XKR4: variants seen among roughly 807,000 people sequenced by gnomAD.
XKR4 encodes XK related 4, also known as XK-related protein 4.
Under a neutral mutation model 53.9 loss-of-function variants are expected in XKR4, and 12 were observed. That is an observed-to-expected ratio of 0.22 (90% confidence interval 0.14 to 0.36). XKR4 has a LOEUF of 0.36. XKR4 is among the 10% of genes least tolerant of loss of function. The pLI, the probability that XKR4 is intolerant of heterozygous loss-of-function variation, is 1.00. For missense variants in XKR4, 799 were observed against 859.5 expected (o/e 0.93, Z 0.88); for synonymous variants, 354 against 362.4 (o/e 0.98, Z 0.26).
At chr8:55,266,794 T>C (rs1818608120) in intron 1 of XKR4, among the ~76,000 whole-genome samples, 1 of 152,184 alleles carries the variant, frequency 6.6e-6, no homozygotes, top group South Asian at 2.1e-4. Context: ...TCTGATCCTC[T>C]TAAAGAGACC....
At position 55,393,146 on chromosome 8, in the gene XKR4, C is replaced by T. The variant is rs144662745; in HGVS notation, c.1006+35269C>T. Among the ~76,000 whole-genome samples, 915 of 152,208 alleles carry T rather than the reference C, an allele frequency of 6.0e-3. 2 individuals carry two copies. The highest frequency in any genetic ancestry group is 0.01 in the Middle Eastern group (3 of 294). On this transcript the variant is annotated intron_variant, in intron 2 of 2. Transcript: ENST00000327381. ...TTGATGAAAGATTGATGAGAAACTT[C>T]TTGATGTGAAGATCAGACTGTCTTC...
intron 1 of XKR4, among the ~76,000 whole-genome samples, chr8:55,215,136 T>C (rs146193961): frequency 5.4e-4 from 82 of 152,232 alleles, no homozygotes; most frequent in African/African-American, 1.9e-3. Flanking sequence ...TACTCTTCAT[T>C]TAGCTGCTGA....
intron 2 of XKR4, among the ~76,000 whole-genome samples, chr8:55,446,228 C>A (rs1805344469): frequency 6.6e-6 from 1 of 152,212 alleles, no homozygotes; most frequent in East Asian, 1.9e-4. Context: ...CGCAAACTAA[C>A]CTTGGAGCTT....
At chr8:55,488,599 C>T (rs749886658) in intron 2 of XKR4, among the ~76,000 whole-genome samples, 4 of 152,030 alleles carry the variant, frequency 2.6e-5, no homozygotes, top group African/African-American at 4.8e-5. Context: ...CTTCATATTG[C>T]GGAATTTCAA....
intron 1 of XKR4, among the ~76,000 whole-genome samples, chr8:55,306,205 A>G (rs911474932): frequency 6.6e-5 from 10 of 152,226 alleles, no homozygotes; most frequent in African/African-American, 2.2e-4. Context: ...ATAAACATTG[A>G]AATGGGTGGT....
chr8:55,342,271 A>G (rs572777228), intron 1 of XKR4, among the ~76,000 whole-genome samples: 7 of 152,108 alleles, frequency 4.6e-5, no homozygotes, highest in African/African-American at 1.2e-4. Context: ...TTTAACTTCA[A>G]AATAAATACC....
At chr8:55,361,934 G>A (rs796349805) in intron 2 of XKR4, among the ~76,000 whole-genome samples, 52 of 152,166 alleles carry the variant, frequency 3.4e-4, no homozygotes, top group African/African-American at 1.1e-3. Context: ...CTAACTGCTC[G>A]TTCACATTTT....
At chr8:55,353,373 C>T (rs1372423321) in intron 1 of XKR4, among the ~76,000 whole-genome samples, 1 of 152,022 alleles carries the variant, frequency 6.6e-6, no homozygotes, top group Non-Finnish European at 1.5e-5. Flanking sequence ...AGGGAGAATG[C>T]CCTGTGAAGA....
At chr8:55,427,114 A>G (rs1259244718) in intron 2 of XKR4, among the ~76,000 whole-genome samples, 1 of 152,210 alleles carries the variant, frequency 6.6e-6, no homozygotes, top group Non-Finnish European at 1.5e-5. Flanking sequence ...CATTATATAA[A>G]CATGTATTGG....
chr8:55,364,945 A>T (rs1563333396), intron 2 of XKR4, among the ~76,000 whole-genome samples: 1 of 152,220 alleles, frequency 6.6e-6, no homozygotes, highest in African/African-American at 2.4e-5. Flanking sequence ...TTTTTATTGT[A>T]AACTTAGGTT....
At chr8:55,276,184 G>A (rs1818761242) in intron 1 of XKR4, among the ~76,000 whole-genome samples, 2 of 152,114 alleles carry the variant, frequency 1.3e-5, no homozygotes, top group South Asian at 4.2e-4. Flanking sequence ...TTCTTTTCCT[G>A]GGTCTCTTAG....
chr8:55,398,901 G>A (rs1354291181), intron 2 of XKR4, among the ~76,000 whole-genome samples: 2 of 152,186 alleles, frequency 1.3e-5, no homozygotes, highest in East Asian at 1.9e-4. Context: ...AAAAAATAAT[G>A]TTTTAGTGCA....
In XKR4 at chr8:55,247,466, G is replaced by A. The variant is rs1042080565; in HGVS notation, c.807-110212G>A. 4.6e-5 allele frequency among the ~76,000 whole-genome samples: 7 copies of A among 152,200 alleles called. No individual in the cohort carries two copies. In the South Asian group the frequency reaches 6.2e-4, roughly 14 times the overall value. ...AATCCTTATTTTGAGCAAAACCATC[G>A]TCATCATCATTAATTTACCAATAAA... On this transcript the variant is annotated intron_variant, in intron 1 of 2. Coordinates refer to ENST00000327381, the MANE Select transcript of XKR4 (RefSeq NM_052898.2).
intron 1 of XKR4, among the ~76,000 whole-genome samples, chr8:55,120,603 A>G (rs1816377596): frequency 6.6e-6 from 1 of 151,798 alleles, no homozygotes; most frequent in South Asian, 2.1e-4. Flanking sequence ...AATTGAATGG[A>G]AAGTACCGAA....
chr8:55,468,024 C>A (rs952676), intron 2 of XKR4, among the ~76,000 whole-genome samples: 2 of 151,982 alleles, frequency 1.3e-5, no homozygotes, highest in Admixed American at 6.6e-5. Flanking sequence ...TATGCTTTAA[C>A]ATATTTTTGC....
intron 1 of XKR4, among the ~76,000 whole-genome samples, chr8:55,176,757 T>C (rs1248163628): frequency 6.6e-6 from 1 of 152,134 alleles, no homozygotes; most frequent in Non-Finnish European, 1.5e-5. Flanking sequence ...ACAAAATAGC[T>C]AATTTTTTTC....
chr8:55,401,601 T>G (rs1384672028), intron 2 of XKR4, among the ~76,000 whole-genome samples: 2 of 152,218 alleles, frequency 1.3e-5, no homozygotes, highest in Non-Finnish European at 2.9e-5. Flanking sequence ...ACAAGCAAGC[T>G]GAAGCTCAGC....
At chr8:55,352,309 G>A (rs1388659671) in intron 1 of XKR4, among the ~76,000 whole-genome samples, 2 of 152,228 alleles carry the variant, frequency 1.3e-5, no homozygotes, top group Admixed American at 1.3e-4. Flanking sequence ...GCAAAGGCAC[G>A]AGGTGTGGAT....
rs572756945 is a variant in XKR4, at chr8:55,454,106, A to C, written c.1007-69175A>C. 8.1e-4 allele frequency: 673 copies of C among 830,340 alleles called. 9 individuals are homozygous for C. In the South Asian group the frequency reaches 8.6e-3, roughly 11 times the overall value. 51.4% of individuals were successfully genotyped at this position (830,340 alleles called of 1,614,324 possible). On this transcript the variant is annotated intron_variant, in intron 2 of 2. Transcript: ENST00000327381. ...CATATTCAAGGAGGAGGGGGACGTC[A>C]TGGGTGGAGGGAAGGCGAGGTCAAC...
Sources: gnomAD v4.1 joint callset for allele counts (sites outside exome capture counted in the v4.1 genomes callset) on GRCh38, gnomAD v4.1.1 for gene constraint, MANE v1.5 for transcripts, NCBI Gene and HGNC (gene_info 2026-07-23, HGNC 2026-07-21) for gene names.